The following CSMD3 variants were observed in gnomAD, a reference collection of about 807,000 sequenced individuals.
The protein encoded by CSMD3 is CUB and Sushi multiple domains 3.
Under a neutral mutation model 435.2 loss-of-function variants are expected in CSMD3, and 177 were observed. That is an observed-to-expected ratio of 0.41 (90% CI 0.36 to 0.46). The LOEUF (loss-of-function observed/expected upper bound fraction) is 0.46, where lower values mean the gene tolerates loss of function less well. CSMD3 is among the 20% of genes least tolerant of loss of function. CSMD3 has a pLI of 0.34. For synonymous variants in CSMD3, 1,656 were observed against 1,520.5 expected (o/e 1.09, Z -2.07); for missense variants, 4,265 against 4,504.6 (o/e 0.95, Z 1.52).
intron 4 of CSMD3, among the ~76,000 whole-genome samples, chr8:113,130,735 G>A (rs539970337): frequency 2.8e-4 from 43 of 152,268 alleles, no homozygotes; most frequent in African/African-American, 1.0e-3. Flanking sequence ...ACAGTTTGGA[G>A]GGCTCAGAAG....
chr8:113,146,860 A>T (rs1431585860), intron 4 of CSMD3, among the ~76,000 whole-genome samples: 2 of 151,706 alleles, frequency 1.3e-5, no homozygotes, highest in Non-Finnish European at 3.0e-5. Flanking sequence ...GGTATAAGGA[A>T]TAAAAAGTGT....
At chr8:112,567,001 T>C (rs1242487597) in intron 24 of CSMD3, among the ~76,000 whole-genome samples, 1 of 152,122 alleles carries the variant, frequency 6.6e-6, no homozygotes, top group Non-Finnish European at 1.5e-5. Flanking sequence ...CTCTTTGCTC[T>C]TTCTTTTGGC....
intron 1 of CSMD3, among the ~76,000 whole-genome samples, chr8:113,435,624 C>G (rs183238252): frequency 0.02 from 3,007 of 152,086 alleles, 35 homozygotes; most frequent in Admixed American, 0.031. Context: ...CCCCGCCCCC[C>G]CGCGACACAC....
At chr8:112,568,114 A>T (rs1443801339) in intron 24 of CSMD3, among the ~76,000 whole-genome samples, 1 of 152,136 alleles carries the variant, frequency 6.6e-6, no homozygotes, top group African/African-American at 2.4e-5. Context: ...AGAGGTCATA[A>T]ATATCTAAGT....
intron 38 of CSMD3, among the ~76,000 whole-genome samples, chr8:112,375,855 T>C (rs1018225991): frequency 2.0e-5 from 3 of 152,136 alleles, no homozygotes. Context: ...CAAAGTCAAA[T>C]TTCTCATTAC....
intron 32 of CSMD3, among the ~76,000 whole-genome samples, chr8:112,439,537 A>G (rs1293060903): frequency 2.0e-5 from 3 of 152,194 alleles, no homozygotes; most frequent in Non-Finnish European, 2.9e-5. Context: ...ATACCTTTGT[A>G]TACAAAAATA....
intron 3 of CSMD3, among the ~76,000 whole-genome samples, chr8:113,233,093 C>T (rs918737051): frequency 2.2e-4 from 34 of 151,572 alleles, no homozygotes; most frequent in Middle Eastern, 6.5e-3. Context: ...CTTAGTTTTG[C>T]TATTTAAAAA....
intron 1 of CSMD3, chr8:113,376,982 T>C: frequency 1.6e-6 from 2 of 1,274,270 alleles, no homozygotes; most frequent in Non-Finnish European, 2.1e-6. Flanking sequence ...GCGCTGCGCA[T>C]GACCAGCCGG....
chr8:112,936,273 T>C (rs559992288), intron 9 of CSMD3, among the ~76,000 whole-genome samples: 47 of 152,156 alleles, frequency 3.1e-4, no homozygotes, highest in Middle Eastern at 3.4e-3. Context: ...TCTCATTCCC[T>C]AATTTCCTTC....
At chr8:112,939,183 G>A (rs533860817) in intron 9 of CSMD3, among the ~76,000 whole-genome samples, 5 of 152,154 alleles carry the variant, frequency 3.3e-5, no homozygotes, top group Admixed American at 6.6e-5. Context: ...TTGCTTTTGT[G>A]CAGTTGGGAA....
At chr8:112,533,636 G>C (rs1224988977) in intron 27 of CSMD3, among the ~76,000 whole-genome samples, 2 of 151,948 alleles carry the variant, frequency 1.3e-5, no homozygotes, top group African/African-American at 4.8e-5. Context: ...TATTAATACA[G>C]CTAAAGGGAG....
chr8:113,027,512 T>C (rs1442784412), intron 5 of CSMD3, among the ~76,000 whole-genome samples: 2 of 152,254 alleles, frequency 1.3e-5, no homozygotes, highest in East Asian at 1.9e-4. Context: ...GGTGTTTCCT[T>C]GTCATAGATG....
chr8:112,411,207 AAT>A (rs1176242386), intron 32 of CSMD3, among the ~76,000 whole-genome samples: 2 of 151,196 alleles, frequency 1.3e-5, no homozygotes, highest in Non-Finnish European at 3.0e-5. Flanking sequence ...CTCTAAACTG[AAT>A]ATGTTGAGAC....
intron 10 of CSMD3, among the ~76,000 whole-genome samples, chr8:112,880,010 G>T (rs1289728605): frequency 6.6e-6 from 1 of 151,944 alleles, no homozygotes; most frequent in African/African-American, 2.4e-5. Context: ...CAAGGCATGT[G>T]TATTCCTATG....
chr8:113,351,762 G>A (rs1195107217), intron 1 of CSMD3, among the ~76,000 whole-genome samples: 6 of 152,078 alleles, frequency 3.9e-5, no homozygotes, highest in Admixed American at 3.9e-4. Context: ...TATAAAAGTG[G>A]TAATTAAAGT....
chr8:113,014,474 C>T (rs1318083978), intron 6 of CSMD3, among the ~76,000 whole-genome samples: 17 of 151,612 alleles, frequency 1.1e-4, no homozygotes. Context: ...AGGGATAATT[C>T]CCCCAGAAGA....
At chr8:112,619,379 C>T (rs1351067368) in intron 22 of CSMD3, among the ~76,000 whole-genome samples, 3 of 151,872 alleles carry the variant, frequency 2.0e-5, no homozygotes, top group African/African-American at 7.3e-5. Context: ...ATCACCCTTT[C>T]AAAATGAAAC....
chr8:112,836,564 G>C (rs958137940), intron 11 of CSMD3, among the ~76,000 whole-genome samples: 1 of 151,662 alleles, frequency 6.6e-6, no homozygotes, highest in Non-Finnish European at 1.5e-5. Flanking sequence ...ATGATTTCTT[G>C]GTTTTCAAAG....
At chr8:112,783,051 C>T (rs533615757) in intron 13 of CSMD3, among the ~76,000 whole-genome samples, 20 of 152,012 alleles carry the variant, frequency 1.3e-4, no homozygotes, top group African/African-American at 2.9e-4. Context: ...AAGAAAAACA[C>T]GGTAATTGTG....
Sources: allele counts gnomAD v4.1 joint callset (sites outside exome capture counted in the v4.1 genomes callset), GRCh38; gene constraint gnomAD v4.1.1; transcripts MANE v1.5; gene names NCBI Gene and HGNC (gene_info 2026-07-23, HGNC 2026-07-21).